Variants in IPO11 observed in about 807,000 individuals in gnomAD.
IPO11 encodes the protein importin-11.
IPO11 carries 66 observed loss-of-function variants against 143.2 expected under a neutral mutation model. The ratio of observed to expected loss-of-function variants is 0.46; its 90% CI spans 0.38 to 0.57. IPO11 has a LOEUF of 0.57. Ranked by LOEUF, IPO11 falls within the 20% of genes least tolerant of loss-of-function variation. IPO11 has a pLI of 0.00. For missense variants in IPO11, 1,026 were observed against 1,141.0 expected (o/e 0.90, Z 1.45); for synonymous variants, 385 against 377.8 (o/e 1.02, Z -0.22).
At chr5:62,440,960 T>G (rs1032416923) in intron 2 of IPO11, among the ~76,000 whole-genome samples, 1 of 150,782 alleles carries the variant, frequency 6.6e-6, no homozygotes, top group Non-Finnish European at 1.5e-5. Flanking sequence ...TGAGACTCCA[T>G]CTCAAAAAAA....
chr5:62,548,105 A>G (rs573338935), intron 24 of IPO11, among the ~76,000 whole-genome samples: 3 of 151,520 alleles, frequency 2.0e-5, no homozygotes, highest in Admixed American at 6.6e-5. Flanking sequence ...CTGTGCCTTC[A>G]TCCTCCAAGT....
chr5:62,451,205 G>A (rs527962719), intron 4 of IPO11, among the ~76,000 whole-genome samples: 1 of 152,180 alleles, frequency 6.6e-6, no homozygotes, highest in African/African-American at 2.4e-5. Flanking sequence ...ACAGGATCTC[G>A]TTATACTGCT....
At chr5:62,626,403 T>C (rs935407835) in intron 29 of IPO11, among the ~76,000 whole-genome samples, 1 of 152,172 alleles carries the variant, frequency 6.6e-6, no homozygotes, top group African/African-American at 2.4e-5. Flanking sequence ...TTAAGTAAAC[T>C]CCAGACTTTT....
chr5:62,450,477 C>G (rs1234483187), intron 4 of IPO11, among the ~76,000 whole-genome samples: 1 of 152,144 alleles, frequency 6.6e-6, no homozygotes, highest in East Asian at 1.9e-4. Context: ...TGCTGCTAGT[C>G]TCACAAAAGT....
intron 27 of IPO11, among the ~76,000 whole-genome samples, chr5:62,586,290 CA>C (rs1414644136): frequency 1.3e-5 from 2 of 152,012 alleles, no homozygotes; most frequent in Non-Finnish European, 2.9e-5. Flanking sequence ...ATTCATGATA[CA>C]ATGTTATTCA....
chr5:62,611,494 T>C (rs556717600), intron 29 of IPO11, among the ~76,000 whole-genome samples: 8 of 152,322 alleles, frequency 5.3e-5, no homozygotes, highest in Admixed American at 5.2e-4. Context: ...TGGAACTAAA[T>C]AAAGTGATGA....
intron 20 of IPO11, 35 bp downstream of exon 20, chr5:62,515,536 G>C (rs1741984574): frequency 7.2e-7 from 1 of 1,393,730 alleles, no homozygotes; most frequent in Non-Finnish European, 9.8e-7. Context: ...TTTTAGTTTA[G>C]TGGTTTTTAA....
At chr5:62,413,603 G>A (rs1053811816) in intron 1 of IPO11, among the ~76,000 whole-genome samples, 3 of 152,188 alleles carry the variant, frequency 2.0e-5, no homozygotes, top group African/African-American at 7.2e-5. Context: ...AAAGTGATTT[G>A]ACTAAATAGC....
chr5:62,521,429 A>G (rs1172344524), intron 20 of IPO11, among the ~76,000 whole-genome samples: 1 of 151,472 alleles, frequency 6.6e-6, no homozygotes, highest in Non-Finnish European at 1.5e-5. Flanking sequence ...TGCTCTGGGG[A>G]CCCTGGAGCC....
intron 27 of IPO11, among the ~76,000 whole-genome samples, chr5:62,572,487 T>A (rs967884086): frequency 9.2e-5 from 14 of 152,192 alleles, no homozygotes; most frequent in African/African-American, 3.4e-4. Context: ...ACAATACCTT[T>A]AAACTATAAT....
chr5:62,556,004 G>C (rs1743564051), intron 26 of IPO11, among the ~76,000 whole-genome samples: 1 of 152,020 alleles, frequency 6.6e-6, no homozygotes, highest in Non-Finnish European at 1.5e-5. Context: ...AATGTCATTT[G>C]GGTCCATATC....
At chr5:62,611,406 G>C (rs1745923192) in intron 29 of IPO11, among the ~76,000 whole-genome samples, 1 of 152,184 alleles carries the variant, frequency 6.6e-6, no homozygotes, top group Non-Finnish European at 1.5e-5. Context: ...TCAGATTATA[G>C]AGGTTAAGAT....
intron 19 of IPO11, among the ~76,000 whole-genome samples, chr5:62,507,810 T>C (rs1056034044): frequency 1.4e-4 from 22 of 152,352 alleles, no homozygotes; most frequent in African/African-American, 5.1e-4. Context: ...TTTTTTGGCT[T>C]AGTAAATTTA....
chr5:62,430,780 C>T (rs556642145), intron 1 of IPO11, among the ~76,000 whole-genome samples: 44 of 150,470 alleles, frequency 2.9e-4, no homozygotes, highest in Admixed American at 2.3e-3. Context: ...TGGGTTCACA[C>T]GATTCCCCTG....
intron 3 of IPO11, among the ~76,000 whole-genome samples, chr5:62,446,876 G>A (rs955032757): frequency 1.3e-5 from 2 of 151,938 alleles, no homozygotes; most frequent in African/African-American, 2.4e-5. Context: ...GGCTGAGGCA[G>A]GAGAATCTCG....
intron 16 of IPO11, among the ~76,000 whole-genome samples, chr5:62,503,706 A>C (rs566646339): frequency 6.6e-6 from 1 of 152,294 alleles, no homozygotes; most frequent in South Asian, 2.1e-4. Flanking sequence ...AGGAAAAAGC[A>C]GGTGAAAAAA....
chr5:62,435,074 A>ATATATATGTGTATATATGTGTATATATG (rs1344032263), intron 1 of IPO11, among the ~76,000 whole-genome samples: 7 of 103,248 alleles, frequency 6.8e-5, no homozygotes, highest in African/African-American at 2.7e-4. Flanking sequence ...ATATATATGT[A>ATATATATGTGTATATATGTGTATATATG]TATATATGTG....
intron 27 of IPO11, among the ~76,000 whole-genome samples, chr5:62,567,220 T>G (rs1447596175): frequency 6.6e-6 from 1 of 152,158 alleles, no homozygotes; most frequent in African/African-American, 2.4e-5. Context: ...TTTCTTTCCT[T>G]CAGCACTTTG....
rs537317611 is a variant in IPO11 at position 62,517,470 on chromosome 5, T to C, written c.1896+1969T>C. ...CAGGCTGGCGTGCAATGGTGCGATCTTGGCTCACTGCAACCTCCACCTCCC... is the reference window on the plus strand; with the variant it reads ...CAGGCTGGCGTGCAATGGTGCGATCCTGGCTCACTGCAACCTCCACCTCCC... On this transcript the variant is annotated intron_variant, in intron 20 of 29. Coordinates refer to ENST00000325324, the MANE Select transcript of IPO11 (RefSeq NM_016338.5). 5.9e-5 allele frequency among the ~76,000 whole-genome samples: 9 copies of C among 152,306 alleles called. No homozygotes were observed. In the South Asian group the frequency reaches 1.7e-3, roughly 28 times the overall value.
Sources: gnomAD v4.1 joint callset for allele counts (sites outside exome capture counted in the v4.1 genomes callset) on GRCh38, gnomAD v4.1.1 for gene constraint, MANE v1.5 for transcripts, NCBI Gene and HGNC (gene_info 2026-07-23, HGNC 2026-07-21) for gene names.